DMBT1: variants seen among roughly 807,000 people sequenced by gnomAD.
DMBT1 encodes scavenger receptor cysteine-rich domain-containing protein DMBT1.
A neutral mutation model predicts 252.9 loss-of-function variants in DMBT1; 198 were observed. That is an observed-to-expected ratio of 0.78 (90% CI 0.70 to 0.88). DMBT1 has a LOEUF of 0.88. DMBT1 is among the 40% of genes least tolerant of loss of function. DMBT1 has a pLI of 0.00. For missense variants in DMBT1, 2,432 were observed against 2,404.7 expected (o/e 1.01, Z -0.24); for synonymous variants, 990 against 942.7 (o/e 1.05, Z -0.92).
chr10:122,619,347 C>G lies in DMBT1; in HGVS notation c.5245+10C>G, dbSNP rs746730031. 1 of 1,613,846 alleles carries G rather than the reference C, an allele frequency of 6.2e-7. No homozygotes were observed. Among genetic ancestry groups the G allele is most frequent in the African/African-American group, 1.3e-5 (1 of 74,914 alleles). On this transcript the variant is annotated intron_variant, in intron 42 of 55. Transcript: ENST00000338354. Reference sequence around the variant, plus strand: ...TCAACGCCCAGGCCAGGTGAGTCCCCAGCATCCTTCATCGGGATGTCCCTT... The same window carrying G: ...TCAACGCCCAGGCCAGGTGAGTCCCGAGCATCCTTCATCGGGATGTCCCTT...
intron 49 of DMBT1, 23 bp downstream of exon 49, chr10:122,631,304 G>T (rs1469995837): frequency 1.2e-6 from 2 of 1,605,796 alleles, no homozygotes; most frequent in Admixed American, 1.7e-5. Context: ...GCCATGGAAG[G>T]CCCATTTCAC....
chr10:122,567,407 C>G (rs1057057927), intron 2 of DMBT1, among the ~76,000 whole-genome samples: 1 of 152,272 alleles, frequency 6.6e-6, no homozygotes, highest in South Asian at 2.1e-4. Flanking sequence ...GGATTATGTC[C>G]CTGAGACTGG....
intron 1 of DMBT1, among the ~76,000 whole-genome samples, chr10:122,565,285 G>T (rs1157115380): frequency 6.6e-6 from 1 of 152,144 alleles, no homozygotes; most frequent in East Asian, 1.9e-4. Flanking sequence ...GATCCATATG[G>T]TGATTACAAG....
intron 42 of DMBT1, 27 bp from the exon 43 acceptor site, chr10:122,620,226 G>C (rs777529882): frequency 3.1e-6 from 5 of 1,613,124 alleles, no homozygotes; most frequent in Non-Finnish European, 8.5e-7. Flanking sequence ...GTCTAATTTT[G>C]TCCTTTCTCT....
At position 122,640,468 on chromosome 10, in the gene DMBT1, C is replaced by T. The variant is rs147117188; in HGVS notation, c.7352+19C>T. ...GGAGTGGGTAAGGAGTGTCTTTATG[C>T]GATGGCCTTAAACCTTTACTTGATA... On this transcript the variant is annotated intron_variant, in intron 55 of 55. Coordinates refer to ENST00000338354, the MANE Select transcript of DMBT1 (RefSeq NM_001377530.1). The T allele has an allele frequency of 2.2e-5, 35 of 1,599,764 alleles. No individual in the cohort carries two copies. Among genetic ancestry groups the T allele is most frequent in the African/African-American group, 5.3e-5 (4 of 74,832 alleles).
intron 42 of DMBT1, 145 bp from the exon 43 acceptor site, chr10:122,620,108 C>G: frequency 1.2e-6 from 1 of 820,120 alleles, no homozygotes; most frequent in South Asian, 1.4e-5. Flanking sequence ...GCTCACTGAG[C>G]TGAAGACTTG....
chr10:122,571,719 T>C (rs561627995), intron 4 of DMBT1, among the ~76,000 whole-genome samples: 1 of 152,242 alleles, frequency 6.6e-6, no homozygotes, highest in Non-Finnish European at 1.5e-5. Flanking sequence ...GGTGAAACTG[T>C]CTACTTCTAG....
At chr10:122,564,703 G>A (rs371718279) in intron 1 of DMBT1, among the ~76,000 whole-genome samples, 4 of 151,628 alleles carry the variant, frequency 2.6e-5, no homozygotes, top group South Asian at 2.1e-4. Context: ...AATCCCTATC[G>A]AAGTGTGTAA....
intron 15 of DMBT1, 102 bp from the exon 16 acceptor site, chr10:122,585,958 C>G: frequency 6.4e-7 from 1 of 1,552,282 alleles, no homozygotes; most frequent in Admixed American, 1.7e-5. Flanking sequence ...ACTGCCTGCC[C>G]AGGTGACTTT....
intron 1 of DMBT1, among the ~76,000 whole-genome samples, chr10:122,564,133 A>G (rs1046020650): frequency 6.6e-6 from 1 of 152,224 alleles, no homozygotes; most frequent in African/African-American, 2.4e-5. Context: ...TTCCTAAGCC[A>G]TCAATATGAA....
chr10:122,634,429 C>CTTTCTTTTCT (rs60007646), intron 52 of DMBT1, among the ~76,000 whole-genome samples: 2 of 54,826 alleles, frequency 3.6e-5, no homozygotes, highest in African/African-American at 1.7e-4. Context: ...CTCTCTCTCT[C>CTTTCTTTTCT]TTCTCTCTCT....
In DMBT1 at chr10:122,586,397, A is replaced by C. The variant is rs750421314; in HGVS notation, c.1783+14A>C. 6.9e-6 allele frequency: 11 copies of C among 1,587,522 alleles called. 2 individuals carry two copies. The highest frequency in any genetic ancestry group is 8.6e-6 in the Non-Finnish European group (10 of 1,165,362). ...TCATCTGCTCAGGTGGGCCTCCAAG[A>C]CTTTTGGTTTCCTCTCTTGGGGTAG... On this transcript the variant is annotated intron_variant, in intron 16 of 55. Transcript: ENST00000338354.
intron 21 of DMBT1, 141 bp downstream of exon 21, chr10:122,593,739 T>G: frequency 7.8e-7 from 1 of 1,282,838 alleles, no homozygotes; most frequent in Non-Finnish European, 1.1e-6. Context: ...GCTGTGTAAC[T>G]GAGACCCCAG....
At chr10:122,631,782 T>C in intron 49 of DMBT1, 73 bp from the exon 50 acceptor site, 4 of 1,548,552 alleles carry the variant, frequency 2.6e-6, no homozygotes, top group Non-Finnish European at 2.7e-6. Context: ...TGTAAGTGTA[T>C]CTCTGTCTCA....
rs757528594 is a variant in DMBT1 at position 122,633,289 on chromosome 10, G to T, written c.6496G>T (p.Asp2166Tyr). The T allele has an allele frequency of 6.2e-7, 1 of 1,613,948 alleles. No individual in the cohort carries two copies. The highest frequency in any genetic ancestry group is 1.1e-5 in the South Asian group (1 of 91,070). Residue 2166 changes from aspartate (D) to tyrosine (Y), a missense_variant, in exon 52 of 56, where the codon GAC (aspartate) becomes TAC (tyrosine). Physicochemically the swap from Asp to Tyr is radical, Grantham distance 160. Around this residue, in one of 3 missense-constraint regions of DMBT1, gnomAD observed 1,162 missense variants for 1,169.0 expected, o/e 0.99. Transcript: ENST00000338354. ...TCCAAACAATGCCAAGTGTGTGTGG[G>T]ACATTGAGGTGCAAAACAACTACCG... ...NYPNNAKCVW[D>Y]IEVQNNYRVT... is the part of the protein sequence containing the mutation.
intron 55 of DMBT1, among the ~76,000 whole-genome samples, chr10:122,642,032 G>T (rs976784729): frequency 6.6e-6 from 1 of 152,172 alleles, no homozygotes; most frequent in African/African-American, 2.4e-5. Flanking sequence ...TCTGCGTGGA[G>T]CCCTGAATGG....
At chr10:122,577,696 G>T in intron 7 of DMBT1, 115 bp from the exon 8 acceptor site, 1 of 1,235,126 alleles carries the variant, frequency 8.1e-7, no homozygotes. Flanking sequence ...GGCCCACTTG[G>T]TGGGCGTGTG....
rs12761471 is a variant in DMBT1 at position 122,600,223 on chromosome 10, A to C, written c.3310+130A>C. On this transcript the variant is annotated intron_variant, in intron 27 of 55. Transcript: ENST00000338354. ...GCATATTATTTCTACCCCCAACACC[A>C]GTTGTGTAACTGAGACCCCAGCACA... is the stretch of plus-strand genomic sequence containing the variant. 3 of 1,335,716 alleles carry C rather than the reference A, an allele frequency of 2.2e-6. No homozygotes were observed. The East Asian group carries it at 7.4e-5, about 33-fold the overall frequency. The allele number at this position is 1,335,716 out of a possible 1,614,324, so 82.7% of individuals were successfully genotyped here.
chr10:122,623,544 C>T (rs993336978), intron 44 of DMBT1, among the ~76,000 whole-genome samples: 2 of 152,234 alleles, frequency 1.3e-5, no homozygotes, highest in African/African-American at 4.8e-5. Flanking sequence ...ATTCTGATTC[C>T]TCCGTATCCT....
Sources: gnomAD v4.1 joint callset for allele counts (sites outside exome capture counted in the v4.1 genomes callset) on GRCh38, gnomAD v4.1.1 for gene constraint, gnomAD v4.1.1 regional missense constraint, MANE v1.5 for transcripts, NCBI Gene and HGNC (gene_info 2026-07-23, HGNC 2026-07-21) for gene names.